The following RUNX1T1 variants were observed in gnomAD, a reference collection of about 807,000 sequenced individuals.
RUNX1T1 encodes the protein RUNX1 partner transcriptional co-repressor 1, also known as protein CBFA2T1.
A neutral mutation model predicts 62.8 loss-of-function variants in RUNX1T1; 4 were observed. The ratio of observed to expected loss-of-function variants is 0.06; its 90% CI spans 0.03 to 0.15. The LOEUF (loss-of-function observed/expected upper bound fraction) is 0.15, where lower values mean the gene tolerates loss of function less well. Among genes scored for constraint, RUNX1T1 ranks in the 10% least tolerant of loss-of-function variants. RUNX1T1 has a pLI of 1.00. For synonymous variants in RUNX1T1, 291 were observed against 286.0 expected (o/e 1.02, Z -0.18); for missense variants, 508 against 754.3 (o/e 0.67, Z 3.82).
chr8:92,020,239 G>T (rs1346755167), intron 1 of RUNX1T1, among the ~76,000 whole-genome samples: 1 of 152,162 alleles, frequency 6.6e-6, no homozygotes, highest in Non-Finnish European at 1.5e-5. Context: ...TGCGGAAAAT[G>T]TGTTTCAAGT....
At chr8:91,991,923 A>G in intron 5 of RUNX1T1, 34 bp from the exon 7 acceptor site, 2 of 1,611,524 alleles carry the variant, frequency 1.2e-6, no homozygotes, top group African/African-American at 1.3e-5. Flanking sequence ...TTGTTTCATC[A>G]TCTATTCAGA....
upstream of RUNX1T1, among the ~76,000 whole-genome samples, chr8:92,102,028 G>C (rs1838060465): frequency 1.3e-5 from 2 of 152,336 alleles, no homozygotes; most frequent in African/African-American, 2.4e-5. This position sits in a 1 kb window ranked among gnomAD's most constrained non-coding sequence, Gnocchi z 4.5. Flanking sequence ...GAGCTACAGG[G>C]CACAAGGTTG....
At chr8:92,032,665 A>G (rs1329090554) in intron 1 of RUNX1T1, among the ~76,000 whole-genome samples, 1 of 152,192 alleles carries the variant, frequency 6.6e-6, no homozygotes, top group African/African-American at 2.4e-5. Flanking sequence ...CTGTAAACCC[A>G]GTGCTCTGCA....
chr8:91,969,569 A>G (rs1487438400), intron 10 of RUNX1T1, among the ~76,000 whole-genome samples: 1 of 152,240 alleles, frequency 6.6e-6, no homozygotes, highest in Non-Finnish European at 1.5e-5. Context: ...TGAACAATGG[A>G]AAAGTCAGCA....
intron 1 of RUNX1T1, among the ~76,000 whole-genome samples, chr8:92,094,215 C>T (rs571217075): frequency 3.9e-5 from 6 of 152,132 alleles, no homozygotes; most frequent in African/African-American, 1.2e-4. Context: ...AGGAAACATG[C>T]CCCCCTGGCT....
At chr8:92,086,529 A>C (rs111608314) in intron 1 of RUNX1T1, among the ~76,000 whole-genome samples, 129 of 152,282 alleles carry the variant, frequency 8.5e-4, no homozygotes, top group Middle Eastern at 3.4e-3. Context: ...TTTAAGGAAC[A>C]CCCACCACTT....
chr8:92,008,908 T>C (rs773045216), intron 4 of RUNX1T1, among the ~76,000 whole-genome samples: 4 of 152,220 alleles, frequency 2.6e-5, no homozygotes, highest in African/African-American at 4.8e-5. Context: ...AAAATTAAGA[T>C]ACTAATAAGA....
chr8:92,055,847 T>C (rs985530220), intron 1 of RUNX1T1, among the ~76,000 whole-genome samples: 4 of 152,202 alleles, frequency 2.6e-5, no homozygotes, highest in African/African-American at 7.2e-5. Context: ...TATACAAATA[T>C]AATGCTAAAG....
downstream of RUNX1T1, chr8:91,956,861 C>T (rs967420852): frequency 2.3e-5 from 5 of 216,072 alleles, no homozygotes; most frequent in South Asian, 3.7e-4. Context: ...TTGAGGAATT[C>T]GGACAACATG....
intron 1 of RUNX1T1, among the ~76,000 whole-genome samples, chr8:92,085,064 A>C (rs565985510): frequency 6.6e-6 from 1 of 152,322 alleles, no homozygotes; most frequent in Admixed American, 6.5e-5. Flanking sequence ...TGACCACCCT[A>C]TGAGGCCATG....
At chr8:92,094,231 C>T (rs1837459303) in intron 1 of RUNX1T1, among the ~76,000 whole-genome samples, 1 of 152,210 alleles carries the variant, frequency 6.6e-6, no homozygotes, top group African/African-American at 2.4e-5. Flanking sequence ...TGGCTTTAAA[C>T]AAATTTTAAT....
chr8:92,072,081 T>G (rs944336162), intron 2 of RUNX1T1, among the ~76,000 whole-genome samples: 1 of 152,202 alleles, frequency 6.6e-6, no homozygotes, highest in African/African-American at 2.4e-5. Context: ...CAAATCTGTG[T>G]AAAACGCTGG....
At chr8:92,092,279 G>C (rs943787693) in intron 1 of RUNX1T1, among the ~76,000 whole-genome samples, 1 of 152,072 alleles carries the variant, frequency 6.6e-6, no homozygotes. Context: ...ATTAAAATTA[G>C]ATAATTTTAA....
chr8:92,086,561 G>A (rs547035285), intron 1 of RUNX1T1, among the ~76,000 whole-genome samples: 5 of 152,276 alleles, frequency 3.3e-5, no homozygotes, highest in South Asian at 2.1e-4. Context: ...CACCATCTCC[G>A]AAAGGCAGCT....
At chr8:91,987,632 T>C (rs1816850042) in intron 6 of RUNX1T1, among the ~76,000 whole-genome samples, 1 of 152,128 alleles carries the variant, frequency 6.6e-6, no homozygotes, top group Non-Finnish European at 1.5e-5. Context: ...TAAATCCAAG[T>C]GAACCAACTG....
chr8:92,006,249 GCTTTCT>G (rs1291679742), intron 4 of RUNX1T1: 6 of 152,136 alleles, frequency 3.9e-5, no homozygotes, highest in African/African-American at 1.4e-4. Flanking sequence ...GATTGTCATT[GCTTTCT>G]CTTTCTCTTA....
At chr8:92,010,888 T>C in intron 4 of RUNX1T1, 114 bp downstream of exon 5, 1 of 628,326 alleles carries the variant, frequency 1.6e-6, no homozygotes, top group Non-Finnish European at 2.9e-6. Context: ...TTCAGATAGT[T>C]TTCATCCATT....
At chr8:92,094,219 C>A (rs1261439160) in intron 1 of RUNX1T1, among the ~76,000 whole-genome samples, 1 of 152,168 alleles carries the variant, frequency 6.6e-6, no homozygotes, top group Non-Finnish European at 1.5e-5. Flanking sequence ...AACATGCCCC[C>A]CTGGCTTTAA....
chr8:91,991,511 A>C, intron 6 of RUNX1T1, 128 bp downstream of exon 7: 2 of 1,040,326 alleles, frequency 1.9e-6, no homozygotes, highest in Admixed American at 4.6e-5. Flanking sequence ...AAAGGAGACA[A>C]TATAAAGCAA....
Sources: allele counts gnomAD v4.1 joint callset (sites outside exome capture counted in the v4.1 genomes callset), GRCh38; gene constraint gnomAD v4.1.1; non-coding constraint Gnocchi (gnomAD v3.1); transcripts MANE v1.5; gene names NCBI Gene and HGNC (gene_info 2026-07-23, HGNC 2026-07-21).